SLC8A1: variants seen among roughly 807,000 people sequenced by gnomAD.
SLC8A1 encodes solute carrier family 8 member A1, also known as sodium/calcium exchanger 1.
Under a neutral mutation model 68.3 loss-of-function variants are expected in SLC8A1, and 18 were observed. The ratio of observed to expected loss-of-function variants is 0.26; its 90% CI spans 0.18 to 0.39. The LOEUF (loss-of-function observed/expected upper bound fraction) is 0.39. Among genes scored for constraint, SLC8A1 ranks in the 10% least tolerant of loss-of-function variants. The pLI is 1.00. For synonymous variants in SLC8A1, 475 were observed against 415.5 expected (o/e 1.14, Z -1.74); for missense variants, 985 against 1,156.7 (o/e 0.85, Z 2.15).
intron 2 of SLC8A1, among the ~76,000 whole-genome samples, chr2:40,193,031 A>G (rs1426194436): frequency 1.3e-5 from 2 of 152,212 alleles, no homozygotes; most frequent in African/African-American, 4.8e-5. Flanking sequence ...GTGCTGGCAC[A>G]TAGTGTTTGC....
intron 2 of SLC8A1, among the ~76,000 whole-genome samples, chr2:40,332,432 C>T (rs1401369626): frequency 9.7e-5 from 3 of 30,924 alleles, no homozygotes; most frequent in African/African-American, 2.1e-4. Flanking sequence ...GGGGGGAGGA[C>T]GGGGGCGGGG....
At chr2:40,468,154 T>C (rs1338265801) in intron 1 of SLC8A1, among the ~76,000 whole-genome samples, 2 of 152,122 alleles carry the variant, frequency 1.3e-5, no homozygotes, top group Non-Finnish European at 2.9e-5. Context: ...ACACACAAGA[T>C]GACATGGAAA....
At chr2:40,227,468 C>T (rs1164690825) in intron 2 of SLC8A1, among the ~76,000 whole-genome samples, 1 of 151,874 alleles carries the variant, frequency 6.6e-6, no homozygotes, top group African/African-American at 2.4e-5. Flanking sequence ...ACACAGGAAC[C>T]GAAAACCAAA....
intron 2 of SLC8A1, among the ~76,000 whole-genome samples, chr2:40,200,215 T>A (rs1404656113): frequency 0.17 from 1,845 of 10,832 alleles, 338 homozygotes; most frequent in Admixed American, 0.47. Context: ...TAAATATATA[T>A]ATATTTTTTT....
At chr2:40,477,351 G>T (rs562782614) in intron 1 of SLC8A1, among the ~76,000 whole-genome samples, 1 of 152,260 alleles carries the variant, frequency 6.6e-6, no homozygotes, top group African/African-American at 2.4e-5. Context: ...GAACACATGT[G>T]AGTAAATCAG....
chr2:40,464,340 C>T (rs573809781), intron 1 of SLC8A1, among the ~76,000 whole-genome samples: 70 of 152,316 alleles, frequency 4.6e-4, no homozygotes, highest in Non-Finnish European at 8.7e-4. Flanking sequence ...CATTTCATAA[C>T]TTTAAAAGAT....
intron 1 of SLC8A1, among the ~76,000 whole-genome samples, chr2:40,501,652 G>A (rs879378398): frequency 5.9e-5 from 9 of 152,026 alleles, no homozygotes; most frequent in Non-Finnish European, 5.9e-5. Flanking sequence ...AATATACTAA[G>A]GAAGATAAAT....
intron 4 of SLC8A1, among the ~76,000 whole-genome samples, chr2:40,174,462 C>G (rs2048110462): frequency 6.6e-6 from 1 of 152,008 alleles, no homozygotes; most frequent in African/African-American, 2.4e-5. Context: ...ATCATTAGCA[C>G]TATGTGAACA....
intron 2 of SLC8A1, among the ~76,000 whole-genome samples, chr2:40,329,200 T>C (rs2076162692): frequency 6.6e-6 from 1 of 152,144 alleles, no homozygotes; most frequent in African/African-American, 2.4e-5. Context: ...TCATATTCTC[T>C]GGCCCATTGA....
intron 2 of SLC8A1, among the ~76,000 whole-genome samples, chr2:40,245,266 C>T (rs2061715706): frequency 6.6e-6 from 1 of 152,194 alleles, no homozygotes; most frequent in Non-Finnish European, 1.5e-5. Flanking sequence ...AAACTCAGCT[C>T]TTTAGTTTGG....
At chr2:40,511,342 T>A (rs2149948233) in intron 1 of SLC8A1, among the ~76,000 whole-genome samples, 1 of 152,324 alleles carries the variant, frequency 6.6e-6, no homozygotes, top group South Asian at 2.1e-4. Context: ...ACCTATAATT[T>A]TTTCTCTTGA....
chr2:40,311,348 A>G (rs1011744157), intron 2 of SLC8A1, among the ~76,000 whole-genome samples: 1 of 152,136 alleles, frequency 6.6e-6, no homozygotes, highest in African/African-American at 2.4e-5. Context: ...GCATCATTGT[A>G]TAGAAAAAAA....
At chr2:40,294,388 T>A (rs1455101872) in intron 2 of SLC8A1, among the ~76,000 whole-genome samples, 1 of 152,136 alleles carries the variant, frequency 6.6e-6, no homozygotes, top group South Asian at 2.1e-4. Context: ...ACTTTAAAGA[T>A]AAGGTAAAGT....
Position 40,500,162 on chromosome 2 carries a change from A to C in SLC8A1, c.-25+12187T>G, listed in dbSNP as rs1369972707. 2.0e-5 allele frequency among the ~76,000 whole-genome samples: 3 copies of C among 152,024 alleles called. No homozygotes were observed. In the South Asian group the frequency reaches 6.2e-4, roughly 31 times the overall value. ...CAAACAAACAAACAACAACAACAAA[A>C]CCCCCAGGATTTGGAGTATCTCATA... is the stretch of plus-strand genomic sequence containing the variant. On this transcript the variant is annotated intron_variant, in intron 1 of 7. Transcript: ENST00000402441.
chr2:40,415,897 C>T lies in SLC8A1; in HGVS notation c.1808+12576G>A, dbSNP rs896960874. Among the ~76,000 whole-genome samples, 4 of 149,166 alleles carry T rather than the reference C, an allele frequency of 2.7e-5. 1 individual carries two copies. The South Asian group carries it at 8.5e-4, about 32-fold the overall frequency. ...ACACACACACACACACACACACACA[C>T]ACACACACACACACATTAGCTGGGC... is the stretch of plus-strand genomic sequence containing the variant. On this transcript the variant is annotated intron_variant, in intron 2 of 7. Transcript: ENST00000406785.
rs879078995 is a variant in SLC8A1, at chr2:40,174,552, T to A, written c.1930+273A>T. Among the ~76,000 whole-genome samples the A allele has an allele frequency of 2.0e-5, 3 of 152,112 alleles. No homozygotes were observed. The South Asian group carries it at 6.2e-4, about 32-fold the overall frequency. The stretch of plus-strand genomic sequence containing the variant: ...AGCTTATAAACACAACACACACACA[T>A]TATTAATTTGTAAAACGTTAAATGT... On this transcript the variant is annotated intron_variant, in intron 4 of 7. Transcript: ENST00000406785.
At chr2:40,446,848 G>C (rs1012871210) in intron 1 of SLC8A1, among the ~76,000 whole-genome samples, 1 of 152,126 alleles carries the variant, frequency 6.6e-6, no homozygotes, top group African/African-American at 2.4e-5. Context: ...CTAGTCCCTG[G>C]CACATAAAAA....
At chr2:40,377,291 A>C (rs1680204587) in intron 2 of SLC8A1, among the ~76,000 whole-genome samples, 2 of 151,988 alleles carry the variant, frequency 1.3e-5, no homozygotes, top group Admixed American at 6.6e-5. Flanking sequence ...TTTGCCAAAA[A>C]CCACATGAGT....
chr2:40,426,004 C>G (rs1033560136), intron 2 of SLC8A1, among the ~76,000 whole-genome samples: 1 of 151,802 alleles, frequency 6.6e-6, no homozygotes, highest in African/African-American at 2.4e-5. Context: ...TTTCTAGAAA[C>G]CTTGTGTTTG....
Sources: gnomAD v4.1 joint callset for allele counts (sites outside exome capture counted in the v4.1 genomes callset) on GRCh38, gnomAD v4.1.1 for gene constraint, MANE v1.5 for transcripts, NCBI Gene and HGNC (gene_info 2026-07-23, HGNC 2026-07-21) for gene names.